The following MROH2B variants were observed in gnomAD, a reference collection of about 807,000 sequenced individuals.
MROH2B encodes the protein maestro heat like repeat family member 2B.
MROH2B carries 177 observed loss-of-function variants against 208.6 expected under a neutral mutation model. That is an observed-to-expected ratio of 0.85 (90% CI 0.75 to 0.96). The LOEUF (loss-of-function observed/expected upper bound fraction) is 0.96, where lower values mean the gene tolerates loss of function less well. Among genes scored for constraint, MROH2B ranks in the 40% least tolerant of loss-of-function variants. The probability of loss-of-function intolerance (pLI) is 0.00; values close to 1 mark genes in which losing one functional copy is unlikely to be tolerated. For synonymous variants in MROH2B, 728 were observed against 659.0 expected, an observed-to-expected ratio of 1.10 and a Z score of -1.60; for missense variants, 2,002 against 1,878.7, an observed-to-expected ratio of 1.07 and a Z score of -1.21.
chr5:41,005,348 T>C, intron 35 of MROH2B, 183 bp downstream of exon 35: 1 of 570,044 alleles, frequency 1.8e-6, no homozygotes, highest in East Asian at 2.8e-5. Flanking sequence ...AGGTGGTTTA[T>C]TTTCCTCTCT....
intron 5 of MROH2B, 104 bp from the exon 6 acceptor site, chr5:41,061,828 GT>G (rs1743652256): frequency 6.5e-6 from 8 of 1,232,416 alleles, no homozygotes; most frequent in Admixed American, 2.8e-5. Context: ...ATATGTAATG[GT>G]TTTTAGATGA....
At chr5:41,007,243 A>G in intron 34 of MROH2B, 71 bp downstream of exon 34, 1 of 1,346,476 alleles carries the variant, frequency 7.4e-7, no homozygotes, top group Non-Finnish European at 9.7e-7. Context: ...AGTTGCCTGT[A>G]TTGCACTTTT....
chr5:41,051,982 C>T (rs1388215179), intron 12 of MROH2B, among the ~76,000 whole-genome samples: 2 of 152,022 alleles, frequency 1.3e-5, no homozygotes, highest in African/African-American at 4.8e-5. Flanking sequence ...TTTAGAAATG[C>T]ACTTCATAGA....
intron 29 of MROH2B, among the ~76,000 whole-genome samples, chr5:41,013,008 G>A (rs1016075966): frequency 6.6e-6 from 1 of 152,136 alleles, no homozygotes; most frequent in Non-Finnish European, 1.5e-5. Context: ...CAAGCCTAAA[G>A]TTATAGCATA....
intron 35 of MROH2B, 153 bp downstream of exon 35, chr5:41,005,378 A>G (rs1320864754): frequency 1.7e-6 from 1 of 579,294 alleles, no homozygotes; most frequent in South Asian, 2.2e-5. Context: ...CTTAGGTACC[A>G]TATATCTGGC....
chr5:41,005,425 C>CTCCT (rs1554046605), intron 35 of MROH2B, 106 bp downstream of exon 35: 33,638 of 216,026 alleles, frequency 0.16, 5,187 homozygotes, highest in East Asian at 0.47. Flanking sequence ...CCCCCCCCCC[C>CTCCT]TTGAAGTCTC....
At chr5:41,013,882 A>T (rs1741852313) in intron 29 of MROH2B, among the ~76,000 whole-genome samples, 1 of 152,102 alleles carries the variant, frequency 6.6e-6, no homozygotes, top group South Asian at 2.1e-4. Flanking sequence ...TGCTACAGCC[A>T]CCTTCCTTGT....
At chr5:41,050,951 G>C (rs1743265900) in intron 13 of MROH2B, 26 bp downstream of exon 13, 3 of 1,444,594 alleles carry the variant, frequency 2.1e-6, no homozygotes, top group Non-Finnish European at 2.8e-6. Context: ...CAAAGTAACT[G>C]TAAGTGGTGA....
At chr5:41,054,739 C>T (rs373392230) in intron 11 of MROH2B, 28 bp downstream of exon 11, 65 of 1,518,250 alleles carry the variant, frequency 4.3e-5, no homozygotes, top group East Asian at 2.5e-4. Context: ...AAGCTACCAT[C>T]GACAAGAGTT....
chr5:41,057,982 A>AG, intron 7 of MROH2B, 81 bp downstream of exon 7: 6 of 1,349,014 alleles, frequency 4.4e-6, no homozygotes, highest in Non-Finnish European at 5.8e-6. Flanking sequence ...TAAGCTCCTT[A>AG]GGGTCTTTTG....
chr5:41,015,695 A>C (rs150936872), intron 28 of MROH2B, among the ~76,000 whole-genome samples: 1 of 152,238 alleles, frequency 6.6e-6, no homozygotes, highest in Non-Finnish European at 1.5e-5. Flanking sequence ...TATCTGAGGT[A>C]GACTCTCCTG....
chr5:41,052,831 C>A (rs1346626985), intron 11 of MROH2B, among the ~76,000 whole-genome samples: 1 of 152,094 alleles, frequency 6.6e-6, no homozygotes, highest in Admixed American at 6.6e-5. Flanking sequence ...GTTGAGCATT[C>A]CTAATCTGAA....
chr5:41,030,089 TA>T (rs35124264), intron 24 of MROH2B, among the ~76,000 whole-genome samples: 33 of 151,528 alleles, frequency 2.2e-4, no homozygotes, highest in East Asian at 1.7e-3. Flanking sequence ...CAGAATAAAT[TA>T]AAAAAAATAT....
intron 24 of MROH2B, among the ~76,000 whole-genome samples, chr5:41,023,324 A>T (rs1561285048): frequency 6.6e-6 from 1 of 152,222 alleles, no homozygotes; most frequent in Non-Finnish European, 1.5e-5. Context: ...TAACTAGAAT[A>T]ACCAGTGTAG....
intron 29 of MROH2B, 115 bp downstream of exon 29, chr5:41,015,266 C>T (rs745444516): frequency 7.1e-6 from 6 of 843,698 alleles, no homozygotes; most frequent in South Asian, 3.6e-5. Context: ...GACAGGACCA[C>T]GGGTCCCTCA....
intron 28 of MROH2B, among the ~76,000 whole-genome samples, chr5:41,016,884 G>T (rs1027731439): frequency 6.6e-6 from 1 of 151,854 alleles, no homozygotes; most frequent in East Asian, 1.9e-4. Flanking sequence ...AAGGACTTTT[G>T]TACCTACTTT....
intron 6 of MROH2B, among the ~76,000 whole-genome samples, chr5:41,059,462 T>C (rs940495449): frequency 6.6e-6 from 1 of 152,226 alleles, no homozygotes; most frequent in African/African-American, 2.4e-5. Flanking sequence ...AGTTCTATAT[T>C]CTGCCTTTTC....
intron 16 of MROH2B, 92 bp from the exon 17 acceptor site, chr5:41,047,856 T>C: frequency 5.6e-6 from 6 of 1,062,276 alleles, no homozygotes; most frequent in Non-Finnish European, 8.4e-6. Context: ...ATACTGGAGT[T>C]CTATTTTAAG....
chr5:41,007,327 A>G lies in MROH2B; in HGVS notation c.3736T>C (p.Cys1246Arg), dbSNP rs1217075443. The G allele has an allele frequency of 1.4e-6, 2 of 1,449,912 alleles. No individual in the cohort carries two copies. Among genetic ancestry groups the G allele is most frequent in the Non-Finnish European group, 1.8e-6 (2 of 1,096,058 alleles). The allele number at this position is 1,449,912 out of a possible 1,614,324, so 89.8% of individuals were successfully genotyped here. ...SSPSTHHIGV[C>R]SLARSMAVWQ... ...AGTGCACATTACCTGGCCAGTGAAC[A>G]TACGCCTATGTGGTGGGTACTAGGA... Residue 1246 changes from cysteine (C) to arginine (R), a missense_variant, in exon 34 of 42, where the codon TGT becomes CGT. Physicochemically the swap from Cys to Arg is radical, Grantham distance 180. Coordinates refer to ENST00000399564, the MANE Select transcript of MROH2B (RefSeq NM_173489.5).
Sources: gnomAD v4.1 joint callset for allele counts (sites outside exome capture counted in the v4.1 genomes callset) on GRCh38, gnomAD v4.1.1 for gene constraint, MANE v1.5 for transcripts, NCBI Gene and HGNC (gene_info 2026-07-23, HGNC 2026-07-21) for gene names.